GARNL3: variants seen among roughly 807,000 people sequenced by gnomAD.
GARNL3 encodes GTPase-activating Rap/Ran-GAP domain-like protein 3.
A neutral mutation model predicts 125.0 loss-of-function variants in GARNL3; 63 were observed. That is an observed-to-expected ratio of 0.50 (90% confidence interval 0.41 to 0.62). The LOEUF (loss-of-function observed/expected upper bound fraction) is 0.62. Ranked by LOEUF, GARNL3 falls within the 20% of genes least tolerant of loss-of-function variation. The probability of loss-of-function intolerance (pLI) is 0.00; values close to 1 mark genes in which losing one functional copy is unlikely to be tolerated. For synonymous variants in GARNL3, 439 were observed against 457.5 expected (o/e 0.96, Z 0.52); for missense variants, 994 against 1,244.0 (o/e 0.80, Z 3.02).
At chr9:127,309,532 A>G (rs1437054968) in intron 2 of GARNL3, among the ~76,000 whole-genome samples, 1 of 152,226 alleles carries the variant, frequency 6.6e-6, no homozygotes, top group Non-Finnish European at 1.5e-5. Flanking sequence ...AAGGAAGCCT[A>G]TAGATCTATC....
chr9:127,313,372 A>T, intron 3 of GARNL3, 69 bp from the exon 4 acceptor site: 1 of 1,051,010 alleles, frequency 9.5e-7, no homozygotes, highest in Non-Finnish European at 1.5e-6. Flanking sequence ...CACCACCTGC[A>T]GTGTCCTCTA....
At position 127,342,595 on chromosome 9, in the gene GARNL3, AGGTTG is replaced by A. The variant is rs1017238405; in HGVS notation, c.1251+265_1251+269del. ...ATCAAGGTGCAAACCAGGGACAGGGAGGTTGGGTATCAATCAGCAATCTCTGGAGC... is the reference window on the plus strand; with the variant it reads ...ATCAAGGTGCAAACCAGGGACAGGGAGGTATCAATCAGCAATCTCTGGAGC... On this transcript the variant is annotated intron_variant, in intron 14 of 27. Coordinates refer to ENST00000373387, the MANE Select transcript of GARNL3 (RefSeq NM_032293.5). 3.9e-5 allele frequency among the ~76,000 whole-genome samples: 6 copies of A among 152,236 alleles called. No homozygotes were observed. In the East Asian group the frequency reaches 7.7e-4, roughly 20 times the overall value.
chr9:127,336,398 C>T (rs926701871), intron 11 of GARNL3, among the ~76,000 whole-genome samples, 162 bp downstream of exon 11: 8 of 152,164 alleles, frequency 5.3e-5, no homozygotes, highest in Non-Finnish European at 1.0e-4. Context: ...ATAGTTCCCC[C>T]TTCCTCTCTC....
At chr9:127,256,987 C>A (rs1187487719) in intron 2 of GARNL3, among the ~76,000 whole-genome samples, 1 of 152,198 alleles carries the variant, frequency 6.6e-6, no homozygotes, top group Non-Finnish European at 1.5e-5. Context: ...CTCCATCCTC[C>A]CTCTATAATT....
chr9:127,371,991 G>A lies in GARNL3; in HGVS notation c.2161+6625G>A, dbSNP rs1363672404. 2.6e-5 allele frequency among the ~76,000 whole-genome samples: 4 copies of A among 152,158 alleles called. No individual in the cohort carries two copies. The East Asian group carries it at 7.7e-4, about 29-fold the overall frequency. ...CTTGTTGCCCAGGCTGAAGTTCAGT[G>A]GCGCGATTTTGGCTCACGGAAACCT... On this transcript the variant is annotated intron_variant, in intron 22 of 27. Transcript: ENST00000373387.
At chr9:127,305,531 G>C (rs931711748) in intron 2 of GARNL3, among the ~76,000 whole-genome samples, 2 of 151,886 alleles carry the variant, frequency 1.3e-5, no homozygotes, top group Admixed American at 6.6e-5. Flanking sequence ...TCAGTGAAGA[G>C]GAAAGTGAAA....
At chr9:127,376,830 G>A (rs1831944791) in intron 22 of GARNL3, among the ~76,000 whole-genome samples, 1 of 152,168 alleles carries the variant, frequency 6.6e-6, no homozygotes, top group Admixed American at 6.6e-5. Flanking sequence ...TTAAAAACTA[G>A]CCTCCACAAA....
In GARNL3 at chr9:127,226,625, CCT is replaced by C. The variant is rs756208480; in HGVS notation, c.-29+2292_-29+2293del. ...CTCTACTTAGAATTTTCTTTCCTTT[CCT>C]CTCTGTATACGCCCACCCCTCCTCC... On this transcript the variant is annotated intron_variant, in intron 1 of 10. Coordinates refer to the GARNL3 transcript ENST00000439286. Among the ~76,000 whole-genome samples the C allele has an allele frequency of 5.0e-4, 76 of 152,210 alleles. 1 individual carries two copies. Among genetic ancestry groups the C allele is most frequent in the Admixed American group, 9.8e-4 (15 of 15,278 alleles).
intron 6 of GARNL3, among the ~76,000 whole-genome samples, chr9:127,321,136 AT>A (rs893777701): frequency 7.3e-5 from 11 of 150,982 alleles, no homozygotes; most frequent in South Asian, 2.1e-4. Flanking sequence ...ACATTAAAGA[AT>A]TTTTTTTTTA....
chr9:127,328,580 A>G (rs897677797), intron 7 of GARNL3, among the ~76,000 whole-genome samples: 3 of 152,120 alleles, frequency 2.0e-5, no homozygotes, highest in African/African-American at 7.2e-5. Flanking sequence ...ACACATGGAG[A>G]GAGGAAAGAT....
At chr9:127,291,311 G>C in intron 2 of GARNL3, 69 bp downstream of exon 2, 2 of 1,366,128 alleles carry the variant, frequency 1.5e-6, no homozygotes, top group Admixed American at 3.5e-5. Context: ...ATATAGCAGT[G>C]AAAGAGTTCT....
intron 1 of GARNL3, among the ~76,000 whole-genome samples, chr9:127,288,363 G>A (rs931518783): frequency 6.6e-6 from 1 of 152,200 alleles, no homozygotes; most frequent in African/African-American, 2.4e-5. Flanking sequence ...GAGAAGAAGT[G>A]GGGATGCTGG....
At chr9:127,233,094 C>T (rs561414002) in intron 1 of GARNL3, among the ~76,000 whole-genome samples, 1 of 152,070 alleles carries the variant, frequency 6.6e-6, no homozygotes, top group South Asian at 2.1e-4. Flanking sequence ...CATGGTATTG[C>T]ATGCCTGTAG....
intron 1 of GARNL3, among the ~76,000 whole-genome samples, chr9:127,236,099 G>T (rs2063107917): frequency 6.6e-6 from 1 of 152,150 alleles, no homozygotes; most frequent in African/African-American, 2.4e-5. Flanking sequence ...AAGAAATTAG[G>T]CTCACTCGGC....
chr9:127,314,459 T>C (rs897566701), intron 4 of GARNL3, among the ~76,000 whole-genome samples: 2 of 152,190 alleles, frequency 1.3e-5, no homozygotes, highest in African/African-American at 4.8e-5. Flanking sequence ...TCAAAGCCTG[T>C]CCTTGGCATG....
intron 16 of GARNL3, among the ~76,000 whole-genome samples, chr9:127,347,295 G>A (rs1002577294): frequency 5.9e-5 from 9 of 152,120 alleles, no homozygotes; most frequent in African/African-American, 2.2e-4. Context: ...GGTGGCTCAT[G>A]CCTATGGTCC....
chr9:127,264,570 A>G (rs1316439379), upstream of GARNL3: 6 of 1,050,396 alleles, frequency 5.7e-6, no homozygotes, highest in East Asian at 4.4e-4. Flanking sequence ...TAATTGCAAG[A>G]TCCGGTTCAG....
At position 127,313,527 on chromosome 9, in the gene GARNL3, C is replaced by T; in HGVS notation, c.406C>T (p.Pro136Ser). 1 of 1,613,754 alleles carries T rather than the reference C, an allele frequency of 6.2e-7. No individual in the cohort carries two copies. The highest frequency in any genetic ancestry group is 8.5e-7 in the Non-Finnish European group (1 of 1,179,718). The change falls in exon 4 of 28, where the codon CCT becomes TCT. Residue 136 changes from proline to serine, a missense_variant. Pro to Ser is a moderately conservative substitution (Grantham distance 74). Around this residue, in one of 5 missense-constraint regions of GARNL3, gnomAD observed 139 missense variants for 231.6 expected, o/e 0.60. Transcript: ENST00000373387. Reference protein sequence around the residue: ...TLSDQNNQRVPQYRAILWRKT... With the variant: ...TLSDQNNQRVSQYRAILWRKT... ...TTCTGACCAAAACAATCAACGTGTC[C>T]CTCAATACCGTGCAATTCTTTGGAG...
intron 22 of GARNL3, among the ~76,000 whole-genome samples, chr9:127,381,253 AAAAT>A (rs1832240333): frequency 6.6e-6 from 1 of 152,254 alleles, no homozygotes; most frequent in African/African-American, 2.4e-5. Context: ...TAATAATTAA[AAAAT>A]AAAATTGGTT....
Sources: gnomAD v4.1 joint callset for allele counts (sites outside exome capture counted in the v4.1 genomes callset) on GRCh38, gnomAD v4.1.1 for gene constraint, gnomAD v4.1.1 regional missense constraint, MANE v1.5 for transcripts, NCBI Gene and HGNC (gene_info 2026-07-23, HGNC 2026-07-21) for gene names.